The following DMD variants were observed in gnomAD, a reference collection of about 807,000 sequenced individuals.
The protein encoded by DMD is mutant dystrophin.
DMD carries 63 observed loss-of-function variants against 330.1 expected under a neutral mutation model. The observed-to-expected ratio is 0.19, with a 90% confidence interval of 0.16 to 0.24. The LOEUF (loss-of-function observed/expected upper bound fraction) is 0.24, where lower values mean the gene tolerates loss of function less well. Among genes scored for constraint, DMD ranks in the 10% least tolerant of loss-of-function variants. The pLI is 1.00. For synonymous variants in DMD, 1,223 were observed against 959.8 expected (o/e 1.27, Z -5.07); for missense variants, 3,344 against 2,684.1 (o/e 1.25, Z -5.43).
chrX:31,900,796 T>A (rs1159117108), intron 47 of DMD, among the ~76,000 whole-genome samples: 1 of 111,041 alleles, frequency 9.0e-6, no homozygotes, highest in Admixed American at 9.6e-5. Flanking sequence ...TCTGTTCAAG[T>A]CCTTATTATC....
intron 44 of DMD, among the ~76,000 whole-genome samples, chrX:32,037,490 A>ACTC (rs1207752867): frequency 1.8e-5 from 2 of 111,993 alleles, no homozygotes; most frequent in Non-Finnish European, 3.8e-5. Flanking sequence ...GATTCTTAAA[A>ACTC]CTCTTATTAT....
intron 49 of DMD, among the ~76,000 whole-genome samples, chrX:31,827,856 A>AT: frequency 9.0e-6 from 1 of 111,531 alleles, no homozygotes; most frequent in Admixed American, 9.6e-5. Context: ...AAATTAAAAT[A>AT]TTTTTTGAAA....
intron 1 of DMD, among the ~76,000 whole-genome samples, chrX:33,308,692 A>G (rs1205303865): frequency 9.0e-6 from 1 of 111,144 alleles, no homozygotes. Flanking sequence ...GTAAAGGGTG[A>G]GCATACTTAG....
intron 12 of DMD, among the ~76,000 whole-genome samples, chrX:32,605,280 A>G (rs2056593460): frequency 9.1e-6 from 1 of 110,437 alleles, no homozygotes; most frequent in Non-Finnish European, 1.9e-5. Context: ...TTAACAAAGT[A>G]AAAAAATGTA....
chrX:32,945,905 C>A (rs2090773312), intron 2 of DMD, among the ~76,000 whole-genome samples: 1 of 111,182 alleles, frequency 9.0e-6, no homozygotes, highest in African/African-American at 3.3e-5. Flanking sequence ...GCTAAATCTG[C>A]TATGTTTTAT....
chrX:32,874,608 A>T (rs1434364264), intron 2 of DMD, among the ~76,000 whole-genome samples: 1 of 111,573 alleles, frequency 9.0e-6, no homozygotes, highest in African/African-American at 3.3e-5. Context: ...ATTATTTGAC[A>T]CTTCTTTCAT....
intron 44 of DMD, among the ~76,000 whole-genome samples, chrX:32,159,478 G>T (rs1052815988): frequency 8.9e-6 from 1 of 111,772 alleles, no homozygotes; most frequent in African/African-American, 3.3e-5. Flanking sequence ...ACTCACCCAG[G>T]CATTTGGATG....
At chrX:32,324,136 G>GA (rs2097637473) in intron 41 of DMD, among the ~76,000 whole-genome samples, 1 of 110,957 alleles carries the variant, frequency 9.0e-6, no homozygotes, top group African/African-American at 3.3e-5. Context: ...ATACCTAGAA[G>GA]AGAGGAGTTG....
chrX:31,695,460 A>G (rs2083396276), intron 52 of DMD, among the ~76,000 whole-genome samples: 1 of 110,944 alleles, frequency 9.0e-6, no homozygotes, highest in Admixed American at 9.6e-5. Context: ...TAAATGCTTG[A>G]CAGGATGGAT....
intron 9 of DMD, among the ~76,000 whole-genome samples, chrX:32,689,097 A>G (rs550470441): frequency 5.4e-5 from 6 of 111,210 alleles, no homozygotes; most frequent in African/African-American, 2.0e-4. Flanking sequence ...ATGCAGACAC[A>G]CCTAGTGGAA....
At chrX:32,260,141 G>A (rs1234356430) in intron 43 of DMD, among the ~76,000 whole-genome samples, 1 of 111,068 alleles carries the variant, frequency 9.0e-6, no homozygotes, top group Non-Finnish European at 1.9e-5. Context: ...CCTGGAAAGT[G>A]GGAAAGTGTA....
chrX:32,168,042 C>A (rs1299227739), intron 44 of DMD, among the ~76,000 whole-genome samples: 1 of 112,366 alleles, frequency 8.9e-6, no homozygotes, highest in Non-Finnish European at 1.9e-5. Context: ...ATCTTTTTGA[C>A]CTTAGTTTAT....
At chrX:31,629,842 A>G (rs2148438260) in intron 54 of DMD, among the ~76,000 whole-genome samples, 1 of 111,820 alleles carries the variant, frequency 8.9e-6, no homozygotes, top group South Asian at 3.7e-4. Context: ...ATTAAGACTT[A>G]CTCCATCTCC....
At chrX:33,150,689 C>T (rs1280832192) in intron 1 of DMD, among the ~76,000 whole-genome samples, 1 of 109,074 alleles carries the variant, frequency 9.2e-6, no homozygotes, top group African/African-American at 3.3e-5. Context: ...TCTTCTCTAT[C>T]TAGTTGGCTT....
rs758410696 is a variant in DMD at position 31,509,178 on chromosome X, T to C, written c.8218-1725A>G. Among the ~76,000 whole-genome samples the C allele has an allele frequency of 1.1e-3, 126 of 111,896 alleles. 3 individuals carry two copies. The highest frequency in any genetic ancestry group is 2.4e-3 in the Admixed American group (25 of 10,541). ...AGCCTGATTTTGAAAGTAGTTTATATGGTAGAAGGTTAGTATTGGGATTCT... is the reference window on the plus strand; with the variant it reads ...AGCCTGATTTTGAAAGTAGTTTATACGGTAGAAGGTTAGTATTGGGATTCT... On this transcript the variant is annotated intron_variant, in intron 55 of 78. Transcript: ENST00000357033.
intron 55 of DMD, among the ~76,000 whole-genome samples, chrX:31,607,661 T>C (rs1436992030): frequency 8.9e-6 from 1 of 112,363 alleles, no homozygotes; most frequent in African/African-American, 3.2e-5. Context: ...TGTTATTCTC[T>C]TGTGCCATTT....
chrX:33,148,007 T>C (rs943173754), intron 1 of DMD, among the ~76,000 whole-genome samples: 115 of 111,953 alleles, frequency 1.0e-3, no homozygotes, highest in African/African-American at 3.6e-3. Context: ...AAAGTTCATG[T>C]TGCACTTGTT....
At chrX:33,142,524 AG>A (rs1458392567) in intron 1 of DMD, among the ~76,000 whole-genome samples, 1 of 112,561 alleles carries the variant, frequency 8.9e-6, no homozygotes, top group Non-Finnish European at 1.9e-5. Context: ...ACCAAAGGAA[AG>A]GTTTGGGGTT....
intron 1 of DMD, among the ~76,000 whole-genome samples, chrX:33,095,757 T>G (rs754842327): frequency 9.0e-6 from 1 of 110,951 alleles, no homozygotes; most frequent in Admixed American, 9.7e-5. Context: ...TATCAACTTC[T>G]GCATTGAATG....
Sources: allele counts gnomAD v4.1 joint callset (sites outside exome capture counted in the v4.1 genomes callset), GRCh38; gene constraint gnomAD v4.1.1; transcripts MANE v1.5; gene names NCBI Gene and HGNC (gene_info 2026-07-23, HGNC 2026-07-21).